SLIT2: variants seen among roughly 807,000 people sequenced by gnomAD.
SLIT2 encodes slit guidance ligand 2.
A neutral mutation model predicts 185.7 loss-of-function variants in SLIT2; 41 were observed. That is an observed-to-expected ratio of 0.22 (90% CI 0.17 to 0.29). The LOEUF (loss-of-function observed/expected upper bound fraction) is 0.29, where lower values mean the gene tolerates loss of function less well. SLIT2 is among the 10% of genes least tolerant of loss of function. The probability of loss-of-function intolerance (pLI) is 1.00; values close to 1 mark genes in which losing one functional copy is unlikely to be tolerated. For synonymous variants in SLIT2, 693 were observed against 680.2 expected, an observed-to-expected ratio of 1.02 and a Z score of -0.29; for missense variants, 1,571 against 1,909.0, an observed-to-expected ratio of 0.82 and a Z score of 3.30.
At chr4:20,299,156 T>G (rs992140795) in intron 4 of SLIT2, among the ~76,000 whole-genome samples, 20 of 152,220 alleles carry the variant, frequency 1.3e-4, no homozygotes, top group African/African-American at 4.3e-4. Context: ...TGATTTTCTT[T>G]GCTCTTGCCA....
intron 33 of SLIT2, among the ~76,000 whole-genome samples, chr4:20,599,687 G>T (rs1440146254): frequency 2.6e-5 from 4 of 152,074 alleles, no homozygotes; most frequent in East Asian, 3.9e-4. Context: ...GAAATCTGGG[G>T]TTTTTTTAAT....
intron 18 of SLIT2, among the ~76,000 whole-genome samples, chr4:20,534,257 C>T (rs73801861): frequency 2.0e-5 from 3 of 152,236 alleles, no homozygotes; most frequent in East Asian, 1.9e-4. Flanking sequence ...CTGTTTTTTG[C>T]CCCTGCAAGG....
At chr4:20,506,949 T>C (rs1335183835) in intron 9 of SLIT2, among the ~76,000 whole-genome samples, 2 of 151,952 alleles carry the variant, frequency 1.3e-5, no homozygotes, top group Non-Finnish European at 2.9e-5. Context: ...TTCAAATACT[T>C]TTTTTGGAAC....
At chr4:20,584,571 C>T (rs1726889065) in intron 29 of SLIT2, among the ~76,000 whole-genome samples, 1 of 152,240 alleles carries the variant, frequency 6.6e-6, no homozygotes, top group Non-Finnish European at 1.5e-5. Flanking sequence ...TCAGAAGAAA[C>T]ACATTCACAG....
intron 36 of SLIT2, among the ~76,000 whole-genome samples, chr4:20,618,084 A>G (rs1308714898): frequency 6.6e-6 from 1 of 152,284 alleles, no homozygotes; most frequent in East Asian, 1.9e-4. Flanking sequence ...TTTAGTACAA[A>G]ATGACCTTTG....
intron 26 of SLIT2, 78 bp downstream of exon 26, chr4:20,554,046 T>C: frequency 8.3e-7 from 1 of 1,206,786 alleles, no homozygotes; most frequent in South Asian, 1.6e-5. Context: ...CAATTGTCAA[T>C]CCAAAGGTAT....
intron 34 of SLIT2, among the ~76,000 whole-genome samples, chr4:20,613,378 A>C (rs1729393836): frequency 6.6e-6 from 1 of 152,210 alleles, no homozygotes; most frequent in South Asian, 2.1e-4. Flanking sequence ...GCTGGAGGCC[A>C]TTATCCTTAG....
At chr4:20,545,554 A>G (rs568201145) in intron 21 of SLIT2, among the ~76,000 whole-genome samples, 2 of 152,074 alleles carry the variant, frequency 1.3e-5, no homozygotes, top group Non-Finnish European at 2.9e-5. Flanking sequence ...GCTGGTTACA[A>G]CTATTTTTAA....
intron 9 of SLIT2, among the ~76,000 whole-genome samples, chr4:20,507,186 ACTTTC>A (rs2148820530): frequency 6.6e-6 from 1 of 152,064 alleles, no homozygotes; most frequent in African/African-American, 2.4e-5. Flanking sequence ...TTGTTTTATA[ACTTTC>A]TGAGTATGCA....
intron 4 of SLIT2, among the ~76,000 whole-genome samples, chr4:20,438,593 A>T (rs780229515): frequency 6.6e-6 from 1 of 152,108 alleles, no homozygotes; most frequent in Non-Finnish European, 1.5e-5. Context: ...GAGCCAAACC[A>T]TATCAGCCTT....
At chr4:20,425,789 T>G (rs1015017926) in intron 4 of SLIT2, among the ~76,000 whole-genome samples, 1 of 152,188 alleles carries the variant, frequency 6.6e-6, no homozygotes. Context: ...AAAGTGGTAC[T>G]TTTGCTGAAA....
At chr4:20,344,506 G>A (rs1023574253) in intron 4 of SLIT2, among the ~76,000 whole-genome samples, 2 of 152,104 alleles carry the variant, frequency 1.3e-5, no homozygotes, top group Admixed American at 1.3e-4. Flanking sequence ...TGTTGCCAGG[G>A]CATATAAGGC....
chr4:20,489,425 TGGTTCA>T (rs1717574100), intron 8 of SLIT2, among the ~76,000 whole-genome samples: 4 of 152,248 alleles, frequency 2.6e-5, no homozygotes, highest in African/African-American at 9.6e-5. Flanking sequence ...TGTATACTAA[TGGTTCA>T]GTTTTACTTA....
intron 4 of SLIT2, among the ~76,000 whole-genome samples, chr4:20,304,647 G>T (rs764148170): frequency 6.6e-6 from 1 of 152,108 alleles, no homozygotes; most frequent in Non-Finnish European, 1.5e-5. Flanking sequence ...CTGTTAGGAA[G>T]CCCGAGAAGT....
At chr4:20,263,552 A>G (rs1255267430) in intron 3 of SLIT2, among the ~76,000 whole-genome samples, 1 of 151,806 alleles carries the variant, frequency 6.6e-6, no homozygotes, top group African/African-American at 2.4e-5. Flanking sequence ...GCAAATACAC[A>G]TCAATTGTAC....
At chr4:20,517,295 A>G (rs1188428528) in intron 11 of SLIT2, among the ~76,000 whole-genome samples, 2 of 152,198 alleles carry the variant, frequency 1.3e-5, no homozygotes, top group Non-Finnish European at 2.9e-5. Context: ...AATTGAATTG[A>G]GCACCAACCT....
At chr4:20,382,346 C>T (rs1431459862) in intron 4 of SLIT2, among the ~76,000 whole-genome samples, 1 of 152,056 alleles carries the variant, frequency 6.6e-6, no homozygotes, top group Admixed American at 6.6e-5. Flanking sequence ...CCTAGCCTGC[C>T]TAGTAAGTTT....
At chr4:20,472,441 T>TATAG (rs1715410023) in intron 5 of SLIT2, among the ~76,000 whole-genome samples, 1 of 42,884 alleles carries the variant, frequency 2.3e-5, no homozygotes, top group African/African-American at 9.5e-5. Context: ...TCTATAGATA[T>TATAG]ATATCTATAT....
intron 33 of SLIT2, among the ~76,000 whole-genome samples, chr4:20,606,739 A>G (rs1275394984): frequency 6.6e-6 from 1 of 152,216 alleles, no homozygotes; most frequent in Admixed American, 6.5e-5. Context: ...CATATAATTT[A>G]TATGCATTCT....
Sources: gnomAD v4.1 joint callset for allele counts (sites outside exome capture counted in the v4.1 genomes callset) on GRCh38, gnomAD v4.1.1 for gene constraint, MANE v1.5 for transcripts, NCBI Gene and HGNC (gene_info 2026-07-23, HGNC 2026-07-21) for gene names.